Variants in MRPS5 observed in about 807,000 individuals in gnomAD.
The protein encoded by MRPS5 is small ribosomal subunit protein uS5m.
In MRPS5, 27 loss-of-function variants were observed where a neutral mutation model predicts 51.9. The observed-to-expected ratio is 0.52, with a 90% CI of 0.38 to 0.72. MRPS5 has a LOEUF of 0.72. Among genes scored for constraint, MRPS5 ranks in the 30% least tolerant of loss-of-function variants. The pLI is 0.00. For missense variants in MRPS5, 570 were observed against 545.7 expected (o/e 1.04, Z -0.44); for synonymous variants, 196 against 193.2 (o/e 1.01, Z -0.12).
At chr2:95,103,473 A>C (rs985097130) in intron 7 of MRPS5, among the ~76,000 whole-genome samples, 2 of 152,226 alleles carry the variant, frequency 1.3e-5, no homozygotes, top group Non-Finnish European at 2.9e-5. Context: ...GAGATGGTGT[A>C]GAGAAACACA....
chr2:95,087,481 G>T lies in MRPS5; in HGVS notation c.1169C>A (p.Pro390His). The change falls in exon 12 of 12, where the codon CCC becomes CAC. Residue 390 changes from proline to histidine, a missense_variant. Coordinates refer to ENST00000272418, the MANE Select transcript of MRPS5 (RefSeq NM_031902.5). ...LPIVVASPRG[P>H]LRKDPEPEDE... ...TTCTGGCTCTGGATCCTTCCTCAAG[G>T]GCCCCCGGGGGGACGCAACCACAAT... 1 of 1,614,130 alleles carries T rather than the reference G, an allele frequency of 6.2e-7. No individual in the cohort carries two copies. Among genetic ancestry groups the T allele is most frequent in the Non-Finnish European group, 8.5e-7 (1 of 1,180,020 alleles).
chr2:95,116,572 T>C (rs1478518651), intron 2 of MRPS5, among the ~76,000 whole-genome samples: 1 of 152,276 alleles, frequency 6.6e-6, no homozygotes, highest in African/African-American at 2.4e-5. Flanking sequence ...TTATGCTAAA[T>C]TACTCAGTTA....
chr2:95,102,230 A>T (rs1279836773), intron 7 of MRPS5, among the ~76,000 whole-genome samples: 1 of 152,218 alleles, frequency 6.6e-6, no homozygotes, highest in Non-Finnish European at 1.5e-5. Context: ...GAAATAACAA[A>T]TTTAGATGTA....
intron 10 of MRPS5, among the ~76,000 whole-genome samples, chr2:95,097,975 C>T (rs2104403085): frequency 6.6e-6 from 1 of 152,332 alleles, no homozygotes; most frequent in Admixed American, 6.5e-5. Flanking sequence ...TATCCAGCAT[C>T]TACAAAGAAC....
At chr2:95,110,676 C>T (rs1676092960) in intron 3 of MRPS5, among the ~76,000 whole-genome samples, 1 of 152,108 alleles carries the variant, frequency 6.6e-6, no homozygotes, top group African/African-American at 2.4e-5. Flanking sequence ...ATGGCATGTG[C>T]CCATGGTCCC....
intron 3 of MRPS5, among the ~76,000 whole-genome samples, chr2:95,112,330 G>A (rs1421462541): frequency 2.0e-5 from 3 of 152,040 alleles, no homozygotes; most frequent in African/African-American, 7.2e-5. Flanking sequence ...CTCCCAAAGC[G>A]CTAGGATTAC....
At chr2:95,096,104 C>T (rs192681132) in intron 10 of MRPS5, among the ~76,000 whole-genome samples, 7 of 152,070 alleles carry the variant, frequency 4.6e-5, no homozygotes, top group Admixed American at 1.3e-4. Flanking sequence ...ATAAATTCCT[C>T]GACACATACA....
At chr2:95,117,663 G>C (rs1676322777) in intron 2 of MRPS5, among the ~76,000 whole-genome samples, 3 of 150,914 alleles carry the variant, frequency 2.0e-5, no homozygotes, top group Non-Finnish European at 4.4e-5. Context: ...GCAATCATAA[G>C]AAATCTGAAA....
At chr2:95,110,378 T>C (rs1421345992) in intron 3 of MRPS5, among the ~76,000 whole-genome samples, 1 of 152,272 alleles carries the variant, frequency 6.6e-6, no homozygotes, top group Non-Finnish European at 1.5e-5. Context: ...GCGTCTTCCC[T>C]GTCCTCTTGC....
chr2:95,111,713 A>G (rs1220215723), intron 3 of MRPS5, among the ~76,000 whole-genome samples: 1 of 152,210 alleles, frequency 6.6e-6, no homozygotes, highest in Non-Finnish European at 1.5e-5. Flanking sequence ...CCATTGTTAG[A>G]TAAGAATGTA....
chr2:95,113,407 T>C (rs1006833407), intron 3 of MRPS5, among the ~76,000 whole-genome samples: 4 of 151,618 alleles, frequency 2.6e-5, no homozygotes, highest in African/African-American at 9.7e-5. Flanking sequence ...ACCCAGGAGG[T>C]GCAGGTTGCA....
intron 9 of MRPS5, 27 bp downstream of exon 9, chr2:95,100,808 TAA>T (rs373760483): frequency 1.3e-3 from 1,579 of 1,226,554 alleles, no homozygotes; most frequent in Admixed American, 2.0e-3. Flanking sequence ...TCCTGCAAAT[TAA>T]AAAAAAAAAA....
At chr2:95,089,240 G>A (rs973413868) in intron 11 of MRPS5, among the ~76,000 whole-genome samples, 10 of 152,190 alleles carry the variant, frequency 6.6e-5, no homozygotes, top group Admixed American at 5.9e-4. Context: ...AAAACAGAAG[G>A]CTTTTACCCA....
intron 1 of MRPS5, among the ~76,000 whole-genome samples, chr2:95,120,143 A>C (rs1676399493): frequency 6.6e-6 from 1 of 152,256 alleles, no homozygotes; most frequent in Non-Finnish European, 1.5e-5. Context: ...TATACTTACA[A>C]AAACATTGCA....
chr2:95,107,355 C>T (rs937099175), intron 5 of MRPS5, among the ~76,000 whole-genome samples: 4 of 152,120 alleles, frequency 2.6e-5, no homozygotes, highest in African/African-American at 9.7e-5. Context: ...TCACACAACA[C>T]CCCCACCTAC....
chr2:95,100,231 T>G (rs1675756557), intron 10 of MRPS5, among the ~76,000 whole-genome samples: 2 of 152,186 alleles, frequency 1.3e-5, no homozygotes, highest in Admixed American at 1.3e-4. Context: ...TATTTCCCGT[T>G]TCCAATGTGC....
At chr2:95,120,937 G>C (rs1357949063) in intron 1 of MRPS5, among the ~76,000 whole-genome samples, 2 of 152,074 alleles carry the variant, frequency 1.3e-5, no homozygotes, top group African/African-American at 4.8e-5. Context: ...GACCAACATG[G>C]TGAAACCCCG....
chr2:95,120,071 AAC>A (rs1491282320), intron 1 of MRPS5, among the ~76,000 whole-genome samples: 18 of 152,208 alleles, frequency 1.2e-4, no homozygotes, highest in Admixed American at 5.9e-4. Context: ...AGAAACAGTA[AAC>A]ACAGTTTCCA....
chr2:95,092,502 T>C (rs1305349176), intron 10 of MRPS5: 3 of 152,248 alleles, frequency 2.0e-5, no homozygotes, highest in African/African-American at 7.2e-5. Context: ...GCACATCATT[T>C]AGGAAATGCC....
Sources: allele counts gnomAD v4.1 joint callset (sites outside exome capture counted in the v4.1 genomes callset), GRCh38; gene constraint gnomAD v4.1.1; transcripts MANE v1.5; gene names NCBI Gene and HGNC (gene_info 2026-07-23, HGNC 2026-07-21).